The following COL18A1 variants were observed in gnomAD, a reference collection of about 807,000 sequenced individuals.
COL18A1 encodes collagen alpha-1(XVIII) chain.
A neutral mutation model predicts 168.0 loss-of-function variants in COL18A1; 133 were observed. That is an observed-to-expected ratio of 0.79 (90% CI 0.69 to 0.91). The LOEUF (loss-of-function observed/expected upper bound fraction) is 0.91. Among genes scored for constraint, COL18A1 ranks in the 40% least tolerant of loss-of-function variants. COL18A1 has a pLI of 0.00. For synonymous variants in COL18A1, 949 were observed against 809.0 expected (o/e 1.17, Z -2.94); for missense variants, 2,126 against 1,925.4 (o/e 1.10, Z -1.95).
chr21:45,421,707 C>A, intron 2 of COL18A1: 1 of 448,216 alleles, frequency 2.2e-6, no homozygotes. Flanking sequence ...ACTTGCCGTG[C>A]CTGCCTGGCA....
intron 38 of COL18A1, 152 bp from the exon 39 acceptor site, chr21:45,509,204 C>T: frequency 1.9e-6 from 2 of 1,052,284 alleles, no homozygotes; most frequent in Non-Finnish European, 2.7e-6. Flanking sequence ...CTGCTGCCTA[C>T]ACCCCCAGGG....
chr21:45,422,556 A>C, intron 2 of COL18A1: 1 of 510,792 alleles, frequency 2.0e-6, no homozygotes, highest in Non-Finnish European at 4.0e-6. Flanking sequence ...GCAGGGCAGC[A>C]AAAGGCATCT....
chr21:45,436,291 G>A (rs1400450885), intron 2 of COL18A1, among the ~76,000 whole-genome samples: 2 of 152,154 alleles, frequency 1.3e-5, no homozygotes, highest in African/African-American at 4.8e-5. Flanking sequence ...TGAGTGAGCT[G>A]TACAGCAGTG....
chr21:45,433,235 T>C (rs562300604), intron 2 of COL18A1, among the ~76,000 whole-genome samples: 10 of 152,344 alleles, frequency 6.6e-5, no homozygotes, highest in African/African-American at 1.9e-4. Flanking sequence ...GTTTGGATGA[T>C]AGGACAGAAC....
chr21:45,487,592 G>A (rs773858825), intron 17 of COL18A1, 83 bp downstream of exon 17: 20 of 1,562,514 alleles, frequency 1.3e-5, no homozygotes, highest in East Asian at 9.0e-5. Flanking sequence ...GAGAGCCACC[G>A]GCCTTGCATG....
Position 45,505,379 on chromosome 21 carries a change from C to CGGGCCCCCCT in COL18A1, c.3044_3053dup (p.Gly1019TrpfsTer71), listed in dbSNP as rs768949300. 2 of 1,594,456 alleles carry CGGGCCCCCCT rather than the reference C, an allele frequency of 1.3e-6. No individual in the cohort carries two copies. Among genetic ancestry groups the CGGGCCCCCCT allele is most frequent in the African/African-American group, 1.3e-5 (1 of 74,712 alleles). On this transcript the variant is annotated frameshift_variant, in exon 36 of 42. Transcript: ENST00000651438. LOFTEE classifies it high-confidence loss of function. Reference sequence around the variant, plus strand: ...GCAGCTATCAGCGTTCCCGGCCCTCCGGGCCCCCCTGGGCCCCCTGGGCCC... The same window carrying CGGGCCCCCCT: ...GCAGCTATCAGCGTTCCCGGCCCTCCGGGCCCCCCTGGGCCCCCCTGGGCCCCCTGGGCCC...
intron 15 of COL18A1, among the ~76,000 whole-genome samples, chr21:45,485,375 A>G (rs2036074688): frequency 6.6e-6 from 1 of 151,674 alleles, no homozygotes; most frequent in South Asian, 2.1e-4. Context: ...TCACACCTGT[A>G]ATCCCAGCAC....
intron 19 of COL18A1, 69 bp from the exon 20 acceptor site, chr21:45,490,206 T>A: frequency 7.4e-7 from 1 of 1,345,318 alleles, no homozygotes; most frequent in Non-Finnish European, 1.0e-6. Flanking sequence ...TGCCCCGGAC[T>A]CCTCGTGGGG....
chr21:45,475,585 C>T lies in COL18A1; in HGVS notation c.798+50C>T, dbSNP rs57637365. The T allele has an allele frequency of 9.1e-4, 1,387 of 1,523,922 alleles. 11 individuals carry two copies. In the African/African-American group the frequency reaches 0.016, roughly 18 times the overall value. 94.4% of individuals were successfully genotyped at this position (1,523,922 alleles called of 1,614,324 possible). On this transcript the variant is annotated intron_variant, in intron 5 of 41. Transcript: ENST00000651438. ...CCACGCTGCAGGGTCCCGGGAGAGC[C>T]CCTCCCAGCAGTGGGGTGACACATG...
chr21:45,493,951 C>T (rs957368995), intron 26 of COL18A1: 14 of 306,752 alleles, frequency 4.6e-5, no homozygotes, highest in African/African-American at 2.8e-4. Context: ...TCCTGGGGGC[C>T]CTGATGCTGT....
At position 45,481,974 on chromosome 21, in the gene COL18A1, C is replaced by T. The variant is rs376461054; in HGVS notation, c.1623C>T (p.Gly541=). The change falls in exon 14 of 42, where the codon GGC becomes GGT. Residue 541 remains glycine, a synonymous_variant. Transcript: ENST00000651438. The stretch of plus-strand genomic sequence containing the variant: ...CTGCTCTCCCCCAGGGACCCCCAGG[C>T]CCTCCGGGAAGAGAGGGGCCCCCAG... ...PGFPGLPGPP[G]PPGREGPPGR... The T allele has an allele frequency of 2.5e-6, 4 of 1,612,706 alleles. No homozygotes were observed. Among genetic ancestry groups the T allele is most frequent in the South Asian group, 2.2e-5 (2 of 91,042 alleles).
rs114832456 is a variant in COL18A1, at chr21:45,498,363, G to A, written c.2683+702G>A. On this transcript the variant is annotated intron_variant, in intron 32 of 41. Transcript: ENST00000651438. The surrounding 1 kb of genome is among the most constrained non-coding windows in gnomAD (Gnocchi z 4.5). ...CCTCTCACCGCCAGGGTTCCCTCTC[G>A]CCACCACGGTCCCCTCTCGCCGCCA... 0.12 allele frequency: 78,724 copies of A among 672,016 alleles called. 5,381 individuals carry two copies. The highest frequency in any genetic ancestry group is 0.17 in the Admixed American group (7,825 of 46,868). 41.6% of individuals were successfully genotyped at this position (672,016 alleles called of 1,614,324 possible). A position where few individuals can be genotyped will look rare whatever the true frequency, so the allele number is the denominator to read the frequency against.
chr21:45,474,094 G>A (rs868388848), intron 4 of COL18A1, 113 bp downstream of exon 4: 6 of 781,182 alleles, frequency 7.7e-6, no homozygotes, highest in Middle Eastern at 2.3e-4. Flanking sequence ...GGGGCACTGG[G>A]AAGCTGCGAT....
intron 2 of COL18A1, among the ~76,000 whole-genome samples, chr21:45,434,466 C>T (rs2034046470): frequency 6.6e-6 from 1 of 152,168 alleles, no homozygotes; most frequent in Non-Finnish European, 1.5e-5. Context: ...GGGGGGTTTG[C>T]AGCAGTTCTG....
intron 2 of COL18A1, chr21:45,456,871 G>T (rs757199525): frequency 2.1e-6 from 3 of 1,446,172 alleles, no homozygotes; most frequent in Non-Finnish European, 9.1e-7. Flanking sequence ...TGCTCATTGG[G>T]CCGGCTGCAG....
rs1490070169 is a variant in COL18A1, at chr21:45,487,778, A to G, written c.1896+269A>G. ...TCAAGACAAAGGAACACGGGGCCGCATGCCCCCTGAAAGGCCTTTCTGGGG... is the reference window on the plus strand; with the variant it reads ...TCAAGACAAAGGAACACGGGGCCGCGTGCCCCCTGAAAGGCCTTTCTGGGG... On this transcript the variant is annotated intron_variant, in intron 17 of 41. Coordinates refer to ENST00000651438, the MANE Select transcript of COL18A1 (RefSeq NM_001379500.1). Among the ~76,000 whole-genome samples, 3 of 152,332 alleles carry G rather than the reference A, an allele frequency of 2.0e-5. No homozygotes were observed. In the South Asian group the frequency reaches 6.2e-4, roughly 32 times the overall value.
At chr21:45,420,865 C>A (rs899213074) in intron 2 of COL18A1, 17 of 153,506 alleles carry the variant, frequency 1.1e-4, no homozygotes, top group African/African-American at 1.9e-4. Flanking sequence ...TGGCGGGGAA[C>A]CTTGGGGAGC....
At position 45,480,678 on chromosome 21, in the gene COL18A1, ATCTG is replaced by A. The variant is rs1309685362; in HGVS notation, c.1453-20_1453-17del. 6.2e-7 allele frequency: 1 copy of A among 1,610,720 alleles called. No homozygotes were observed. The highest frequency in any genetic ancestry group is 8.5e-7 in the Non-Finnish European group (1 of 1,179,960). Reference sequence around the variant, plus strand: ...GGTGGGTGCCACATGGGCTGTGACTATCTGTGTTCGCCCACGTCCAGGGTCCTCG... The same window carrying A: ...GGTGGGTGCCACATGGGCTGTGACTATGTTCGCCCACGTCCAGGGTCCTCG... On this transcript the variant is annotated intron_variant, in intron 12 of 41. Coordinates refer to ENST00000651438, the MANE Select transcript of COL18A1 (RefSeq NM_001379500.1).
At chr21:45,452,842 CATGT>C (rs10594258) in intron 2 of COL18A1, among the ~76,000 whole-genome samples, 2,965 of 135,734 alleles carry the variant, frequency 0.022, 96 homozygotes, top group African/African-American at 0.08. Flanking sequence ...CATGTGTAAA[CATGT>C]ATGTATGTGT....
Sources: allele counts gnomAD v4.1 joint callset (sites outside exome capture counted in the v4.1 genomes callset), GRCh38; gene constraint gnomAD v4.1.1; non-coding constraint Gnocchi (gnomAD v3.1); transcripts MANE v1.5; gene names NCBI Gene and HGNC (gene_info 2026-07-23, HGNC 2026-07-21).